The following PEMT variants were observed in gnomAD, a reference collection of about 807,000 sequenced individuals.
PEMT encodes the protein phospholipid methyltransferase.
A neutral mutation model predicts 27.4 loss-of-function variants in PEMT; 23 were observed. That is an observed-to-expected ratio of 0.84 (90% CI 0.60 to 1.19). The LOEUF is 1.19. Among genes scored for constraint, PEMT ranks in the 50% most tolerant of loss-of-function variants. PEMT has a pLI of 0.00. For synonymous variants in PEMT, 137 were observed against 139.1 expected (o/e 0.98, Z 0.11); for missense variants, 307 against 310.1 (o/e 0.99, Z 0.07).
At chr17:17,518,727 C>T (rs1443113901) in intron 3 of PEMT, among the ~76,000 whole-genome samples, 1 of 152,184 alleles carries the variant, frequency 6.6e-6, no homozygotes. Flanking sequence ...GGTGCAGAGG[C>T]TTTTGAGCAC....
intron 2 of PEMT, among the ~76,000 whole-genome samples, chr17:17,537,908 T>A (rs2142586148): frequency 6.6e-6 from 1 of 152,348 alleles, no homozygotes; most frequent in East Asian, 1.9e-4. Flanking sequence ...GTCACACAGT[T>A]GTGACTTGGG....
At chr17:17,546,746 C>A (rs1330004026) in intron 2 of PEMT, among the ~76,000 whole-genome samples, 1 of 152,236 alleles carries the variant, frequency 6.6e-6, no homozygotes, top group African/African-American at 2.4e-5. Flanking sequence ...ATTAGTAGCC[C>A]AACAGGGCTT....
At chr17:17,532,536 C>T (rs1038487679) in intron 2 of PEMT, among the ~76,000 whole-genome samples, 1 of 152,156 alleles carries the variant, frequency 6.6e-6, no homozygotes, top group African/African-American at 2.4e-5. Flanking sequence ...AATAAATGGA[C>T]AGACATCCCA....
chr17:17,573,211 G>A (rs989830307), intron 2 of PEMT, among the ~76,000 whole-genome samples: 4 of 150,680 alleles, frequency 2.7e-5, no homozygotes, highest in East Asian at 3.9e-4. Context: ...AAGGCCTGGC[G>A]CGGTGGCTCA....
At chr17:17,516,204 C>T (rs778180953) in intron 3 of PEMT, among the ~76,000 whole-genome samples, 2 of 150,024 alleles carry the variant, frequency 1.3e-5, no homozygotes, top group Non-Finnish European at 3.0e-5. Flanking sequence ...GCTCTTTCCA[C>T]TCCATCTCAG....
Position 17,561,281 on chromosome 17 carries a change from C to G in PEMT, c.204+15639G>C, listed in dbSNP as rs1236947030. ...CACACGACCCAGGAGGTGGAACCTA[C>G]AGGTAACCCTCTTTCACAGTTAAGA... On this transcript the variant is annotated intron_variant, in intron 2 of 6. Coordinates refer to ENST00000255389, the MANE Select transcript of PEMT (RefSeq NM_148172.3). This position sits in a 1 kb window ranked among gnomAD's most constrained non-coding sequence, Gnocchi z 4.5. 2.6e-5 allele frequency among the ~76,000 whole-genome samples: 4 copies of G among 152,216 alleles called. No homozygotes were observed. Among genetic ancestry groups the G allele is most frequent in the Admixed American group, 6.5e-5 (1 of 15,288 alleles).
rs189257867 is a variant in PEMT, at chr17:17,591,640, C to G, written c.-14G>C. 4 of 1,606,796 alleles carry G rather than the reference C, an allele frequency of 2.5e-6. No homozygotes were observed. The South Asian group carries it at 4.4e-5, about 18-fold the overall frequency. Reference sequence around the variant, plus strand: ...AGATCTCTTCATCCGGGGGCCGCCTCAGGAGGCACCACGCGGGCCCCGCTG... The same window carrying G: ...AGATCTCTTCATCCGGGGGCCGCCTGAGGAGGCACCACGCGGGCCCCGCTG... On this transcript the variant is annotated 5_prime_UTR_variant, in exon 1 of 7. Coordinates refer to ENST00000255389, the MANE Select transcript of PEMT (RefSeq NM_148172.3).
At chr17:17,554,372 G>T (rs1385832517) in intron 2 of PEMT, among the ~76,000 whole-genome samples, 3 of 152,204 alleles carry the variant, frequency 2.0e-5, no homozygotes, top group African/African-American at 7.2e-5. Flanking sequence ...TCTAGAGAGA[G>T]CTGTCGTGGC....
At chr17:17,584,064 C>T (rs547980915) in intron 1 of PEMT, among the ~76,000 whole-genome samples, 22 of 152,320 alleles carry the variant, frequency 1.4e-4, no homozygotes, top group Admixed American at 6.5e-4. Flanking sequence ...GTGGGGCCCA[C>T]GGGTAAGACG....
At position 17,530,041 on chromosome 17, in the gene PEMT, AG is replaced by A. The variant is rs1169965222; in HGVS notation, c.205-7647del. Among the ~76,000 whole-genome samples the A allele has an allele frequency of 2.0e-5, 3 of 152,216 alleles. No homozygotes were observed. The East Asian group carries it at 5.8e-4, about 29-fold the overall frequency. ...AAGGACATGAAGAGGGGCTGGGGGA[AG>A]ATACACACACAGACTTGCTTACATT... On this transcript the variant is annotated intron_variant, in intron 2 of 6. Coordinates refer to ENST00000255389, the MANE Select transcript of PEMT (RefSeq NM_148172.3).
chr17:17,591,366 C>CCGGCGCTCCCGCACG, intron 1 of PEMT, 165 bp downstream of exon 1: 2 of 622,134 alleles, frequency 3.2e-6, no homozygotes. Flanking sequence ...CAGACACCAG[C>CCGGCGCTCCCGCACG]CGGCGCTCCC....
intron 5 of PEMT, chr17:17,508,952 C>T: frequency 6.6e-6 from 2 of 302,272 alleles, no homozygotes; most frequent in Non-Finnish European, 1.3e-5. Context: ...CCCTGATGTC[C>T]CCGCACAAGG....
At chr17:17,544,471 G>C (rs1909110194) in intron 2 of PEMT, among the ~76,000 whole-genome samples, 1 of 151,992 alleles carries the variant, frequency 6.6e-6, no homozygotes, top group Non-Finnish European at 1.5e-5. Flanking sequence ...AGTAGAGACA[G>C]GGTTTCACCA....
chr17:17,508,800 G>T, intron 5 of PEMT: 1 of 464,652 alleles, frequency 2.2e-6, no homozygotes, highest in Non-Finnish European at 4.5e-6. Flanking sequence ...CTCATGGCAC[G>T]GGGCCCCCTC....
At chr17:17,551,892 A>C (rs1469430939) in intron 2 of PEMT, among the ~76,000 whole-genome samples, 1 of 152,154 alleles carries the variant, frequency 6.6e-6, no homozygotes, top group East Asian at 1.9e-4. Context: ...CGATACAAAA[A>C]AACTTCAGGC....
At chr17:17,522,576 T>A (rs1387870809) in intron 2 of PEMT, among the ~76,000 whole-genome samples, 181 bp from the exon 3 acceptor site, 1 of 152,162 alleles carries the variant, frequency 6.6e-6, no homozygotes, top group Non-Finnish European at 1.5e-5. Context: ...CTAGAGCAAG[T>A]TCCACAGGGA....
intron 5 of PEMT, among the ~76,000 whole-genome samples, chr17:17,509,101 G>A (rs1184108301): frequency 1.3e-5 from 2 of 152,292 alleles, no homozygotes; most frequent in African/African-American, 4.8e-5. Context: ...GTGGAGCTGT[G>A]CTGGCGCCAA....
chr17:17,524,613 A>T (rs543395533), intron 2 of PEMT, among the ~76,000 whole-genome samples: 3,671 of 151,726 alleles, frequency 0.024, 72 homozygotes, highest in African/African-American at 0.051. Flanking sequence ...AAAAAAAAAA[A>T]AATAATAAAA....
At chr17:17,549,164 T>C (rs1193327278) in intron 2 of PEMT, among the ~76,000 whole-genome samples, 1 of 152,052 alleles carries the variant, frequency 6.6e-6, no homozygotes, top group Non-Finnish European at 1.5e-5. Flanking sequence ...TGTGCCACCA[T>C]GCCCTTTTTA....
Sources: gnomAD v4.1 joint callset for allele counts (sites outside exome capture counted in the v4.1 genomes callset) on GRCh38, gnomAD v4.1.1 for gene constraint, Gnocchi (gnomAD v3.1) non-coding constraint, MANE v1.5 for transcripts, NCBI Gene and HGNC (gene_info 2026-07-23, HGNC 2026-07-21) for gene names.